OR6N1: variants seen among roughly 807,000 people sequenced by gnomAD.
OR6N1 encodes the protein olfactory receptor 6N1.
For synonymous variants in OR6N1, 170 were observed against 150.7 expected (o/e 1.13, Z -0.94); for missense variants, 394 against 371.7 (o/e 1.06, Z -0.49).
chr1:158,776,883 G>A (rs1657611712), upstream of OR6N1: 1 of 1,614,126 alleles, frequency 6.2e-7, no homozygotes, highest in Non-Finnish European at 8.5e-7. Flanking sequence ...TGCTCCCAAA[G>A]AAGATGAGGA....
chr1:158,776,985 A>G (rs1227225116), upstream of OR6N1: 9 of 1,614,072 alleles, frequency 5.6e-6, no homozygotes, highest in Non-Finnish European at 7.6e-6. Flanking sequence ...TCCTTGCATA[A>G]GAAATCATGA....
chr1:158,771,572 GC>G (rs1657424246), intron 1 of OR6N1, among the ~76,000 whole-genome samples: 2 of 152,156 alleles, frequency 1.3e-5, no homozygotes, highest in African/African-American at 4.8e-5. Flanking sequence ...ATTCTAGAAA[GC>G]TTTTAGAATA....
At position 158,766,041 on chromosome 1, in the gene OR6N1, G is replaced by C; in HGVS notation, c.642C>G (p.Ile214Met). ...AGATGATCTGCACATAGGAGCAGAGGATCAGCAGGAAGGTGGCTAGGATCT... is the reference window on the plus strand; with the variant it reads ...AGATGATCTGCACATAGGAGCAGAGCATCAGCAGGAAGGTGGCTAGGATCT... ...SCKILATFLL[I>M]LCSYVQIICT... Residue 214 changes from isoleucine (I) to methionine (M), a missense_variant, in exon 2 of 2, where the codon ATC becomes ATG. Ile to Met is a conservative substitution (Grantham distance 10). Transcript: ENST00000641846. The C allele has an allele frequency of 6.2e-7, 1 of 1,614,228 alleles. No homozygotes were observed. The highest frequency in any genetic ancestry group is 8.5e-7 in the Non-Finnish European group (1 of 1,180,036).
the OR6N1 span, among the ~76,000 whole-genome samples, chr1:158,793,985 C>T: frequency 1.8e-4 from 28 of 152,184 alleles, no homozygotes; most frequent in East Asian, 5.2e-3. Context: ...GCTGATGTTC[C>T]GGCTATTCAG....
the OR6N1 span, among the ~76,000 whole-genome samples, chr1:158,794,795 C>T: frequency 6.6e-6 from 1 of 152,138 alleles, no homozygotes; most frequent in African/African-American, 2.4e-5. Flanking sequence ...TGTTATTTTG[C>T]CTCCAGATGT....
At chr1:158,767,778 TAAAAG>T (rs911961802) in intron 1 of OR6N1, among the ~76,000 whole-genome samples, 2 of 152,324 alleles carry the variant, frequency 1.3e-5, no homozygotes, top group African/African-American at 4.8e-5. Flanking sequence ...TCTATGTCCC[TAAAAG>T]AAAACTCTTC....
At chr1:158,809,545 T>C in the OR6N1 span, among the ~76,000 whole-genome samples, 1 of 152,120 alleles carries the variant, frequency 6.6e-6, no homozygotes, top group African/African-American at 2.4e-5. Flanking sequence ...AAATCAAGGC[T>C]CCTGATCCCA....
chr1:158,776,194 A>G (rs540661378), upstream of OR6N1: 12 of 152,238 alleles, frequency 7.9e-5, no homozygotes, highest in African/African-American at 2.9e-4. Flanking sequence ...AGGCATAAAA[A>G]CTGGTCATGT....
the OR6N1 span, among the ~76,000 whole-genome samples, chr1:158,821,259 A>T: frequency 4.1e-4 from 62 of 152,240 alleles, 1 homozygote; most frequent in East Asian, 0.012. Flanking sequence ...CATCATCAAC[A>T]TACCCCACCA....
chr1:158,831,854 G>A, the OR6N1 span, among the ~76,000 whole-genome samples: 21 of 152,128 alleles, frequency 1.4e-4, no homozygotes, highest in Admixed American at 6.5e-5. Flanking sequence ...TTGGCTGGAG[G>A]ATGACTTGGT....
At chr1:158,821,062 G>A in the OR6N1 span, among the ~76,000 whole-genome samples, 4 of 152,174 alleles carry the variant, frequency 2.6e-5, no homozygotes, top group Admixed American at 6.5e-5. Flanking sequence ...CACTAACAGG[G>A]CTGCTTACAA....
chr1:158,837,393 G>A, the OR6N1 span, among the ~76,000 whole-genome samples: 1 of 151,618 alleles, frequency 6.6e-6, no homozygotes, highest in Admixed American at 6.6e-5. Flanking sequence ...CTGATGTTTT[G>A]TGCATGTATG....
the OR6N1 span, among the ~76,000 whole-genome samples, chr1:158,784,560 T>C: frequency 6.6e-6 from 1 of 152,150 alleles, no homozygotes; most frequent in African/African-American, 2.4e-5. Context: ...TTAATCGACT[T>C]CCCATCTTTC....
chr1:158,777,291 A>G, the OR6N1 span: 1 of 1,614,146 alleles, frequency 6.2e-7, no homozygotes, highest in Non-Finnish European at 8.5e-7. Context: ...CCATGGCTGT[A>G]AGAAGGTAGC....
the OR6N1 span, among the ~76,000 whole-genome samples, chr1:158,796,486 T>A: frequency 2.0e-5 from 3 of 152,344 alleles, no homozygotes; most frequent in East Asian, 3.9e-4. Context: ...TTCCTCTGCC[T>A]GATCCATTCC....
At chr1:158,785,965 A>G in the OR6N1 span, among the ~76,000 whole-genome samples, 1 of 152,082 alleles carries the variant, frequency 6.6e-6, no homozygotes, top group South Asian at 2.1e-4. Flanking sequence ...ATCATGACTA[A>G]GACCCCCAAA....
the OR6N1 span, among the ~76,000 whole-genome samples, chr1:158,827,806 T>G: frequency 6.6e-6 from 1 of 152,318 alleles, no homozygotes; most frequent in South Asian, 2.1e-4. Context: ...AAAGGGCATG[T>G]ATTAGTCCAT....
the OR6N1 span, among the ~76,000 whole-genome samples, chr1:158,816,157 CA>C: frequency 0.1 from 9,377 of 89,382 alleles, 361 homozygotes; most frequent in African/African-American, 0.17. Context: ...GACACCATCT[CA>C]AAAAAAAAAA....
the OR6N1 span, among the ~76,000 whole-genome samples, chr1:158,837,679 T>A: frequency 6.6e-6 from 1 of 151,876 alleles, no homozygotes; most frequent in Non-Finnish European, 1.5e-5. Context: ...ATAATTTTAA[T>A]ATGCTTTTTG....
Sources: allele counts gnomAD v4.1 joint callset (sites outside exome capture counted in the v4.1 genomes callset), GRCh38; gene constraint gnomAD v4.1.1; transcripts MANE v1.5; gene names NCBI Gene and HGNC (gene_info 2026-07-23, HGNC 2026-07-21).